Variants in ASAP3 observed in about 807,000 individuals in gnomAD.
The protein encoded by ASAP3 is arf-GAP with SH3 domain, ANK repeat and PH domain-containing protein 3.
In ASAP3, 85 loss-of-function variants were observed where a neutral mutation model predicts 118.2. The observed-to-expected ratio is 0.72, with a 90% CI of 0.60 to 0.86. The LOEUF (loss-of-function observed/expected upper bound fraction) is 0.86. Ranked by LOEUF, ASAP3 falls within the 40% of genes least tolerant of loss-of-function variation. The probability of loss-of-function intolerance (pLI) is 0.00; values close to 1 mark genes in which losing one functional copy is unlikely to be tolerated. For missense variants in ASAP3, 1,026 were observed against 1,175.0 expected, an observed-to-expected ratio of 0.87 and a Z score of 1.85; for synonymous variants, 432 against 477.4, an observed-to-expected ratio of 0.90 and a Z score of 1.24.
chr1:23,437,320 C>T lies in ASAP3; in HGVS notation c.1152G>A (p.Ala384=). 1 of 1,609,784 alleles carries T rather than the reference C, an allele frequency of 6.2e-7. No individual in the cohort carries two copies. Among genetic ancestry groups the T allele is most frequent in the Non-Finnish European group, 8.5e-7 (1 of 1,177,480 alleles). Residue 384 remains alanine (A), a splice_region_variant and synonymous_variant, in exon 14 of 25, where the codon GCG becomes GCA. Transcript: ENST00000336689. This position sits in a 1 kb window ranked among gnomAD's most constrained non-coding sequence, Gnocchi z 6.1. ...TGCTGTTCTGCAACACTGACACCCACCTGCGGAGATTGAACGGGGTGGGAT... is the reference window on the plus strand; with the variant it reads ...TGCTGTTCTGCAACACTGACACCCATCTGCGGAGATTGAACGGGGTGGGAT... ...FQAEDEHECE[A]WVSVLQNSKD... is the part of the protein sequence containing the mutation.
chr1:23,446,107 G>A (rs891271922), intron 5 of ASAP3, among the ~76,000 whole-genome samples: 1 of 152,138 alleles, frequency 6.6e-6, no homozygotes, highest in South Asian at 2.1e-4. Flanking sequence ...TGGTATCTGC[G>A]GGGGTCCTGG....
chr1:23,443,326 A>G (rs1025595841), intron 5 of ASAP3, among the ~76,000 whole-genome samples: 5 of 152,144 alleles, frequency 3.3e-5, no homozygotes, highest in African/African-American at 1.2e-4. Context: ...CATGGTACCC[A>G]ATAGGTAATT....
chr1:23,440,228 G>A (rs953269682), intron 10 of ASAP3, among the ~76,000 whole-genome samples: 9 of 150,576 alleles, frequency 6.0e-5, no homozygotes, highest in African/African-American at 2.0e-4. Context: ...TAGGCTGGGC[G>A]CAGTGGCTCA....
chr1:23,458,466 G>A (rs1484996967), intron 1 of ASAP3, among the ~76,000 whole-genome samples: 1 of 152,084 alleles, frequency 6.6e-6, no homozygotes, highest in Non-Finnish European at 1.5e-5. Flanking sequence ...CCATGTGGTG[G>A]CATGCACCTA....
intron 1 of ASAP3, among the ~76,000 whole-genome samples, chr1:23,460,772 A>G (rs1183307375): frequency 6.6e-6 from 1 of 152,230 alleles, no homozygotes; most frequent in East Asian, 1.9e-4. Flanking sequence ...GGATGTTTAC[A>G]TCAGCTTTAT....
rs777537793 is a variant in ASAP3 at position 23,431,092 on chromosome 1, C to A, written c.2580G>T (p.Ala860=). 1.9e-6 allele frequency: 3 copies of A among 1,558,090 alleles called. No individual in the cohort carries two copies. Among genetic ancestry groups the A allele is most frequent in the Non-Finnish European group, 2.6e-6 (3 of 1,151,480 alleles). Reference sequence around the variant, plus strand: ...CTGAGGGACCATCTTCAGGGCTCCGCGCCCCCCGCCGATAGGAGCGAGTGC... The same window carrying A: ...CTGAGGGACCATCTTCAGGGCTCCGAGCCCCCCGCCGATAGGAGCGAGTGC... ...SESTRSYRRG[A]RSPEDGPSAR... Residue 860 remains alanine (A), a synonymous_variant, in exon 24 of 25, where the codon GCG becomes GCT. Transcript: ENST00000336689.
chr1:23,478,812 A>G (rs544884154), intron 1 of ASAP3, among the ~76,000 whole-genome samples: 7 of 152,292 alleles, frequency 4.6e-5, no homozygotes, highest in Admixed American at 4.6e-4. Context: ...TGAGTTTTCT[A>G]AAGGGGTTCT....
In ASAP3 at chr1:23,453,861, C is replaced by G. The variant is rs75329801; in HGVS notation, c.349-1090G>C. Among the ~76,000 whole-genome samples the G allele has an allele frequency of 2.6e-5, 4 of 152,164 alleles. No homozygotes were observed. The East Asian group carries it at 7.7e-4, about 29-fold the overall frequency. On this transcript the variant is annotated intron_variant, in intron 3 of 24. Coordinates refer to ENST00000336689, the MANE Select transcript of ASAP3 (RefSeq NM_017707.4). ...TCCACACCCTAGTTTTTCTCTCCCC[C>G]ACTAGACTGTGGCTCTCTGAGGCAG...
intron 10 of ASAP3, among the ~76,000 whole-genome samples, chr1:23,439,592 C>T (rs1640793188): frequency 6.6e-6 from 1 of 152,152 alleles, no homozygotes; most frequent in South Asian, 2.1e-4. Flanking sequence ...AGGCTCTTGA[C>T]AACAACAAAT....
rs1489932467 is a variant in ASAP3, at chr1:23,451,540, A to G, written c.424-12T>C. ...TGTTTTTTGGAATCCTGTGGGTTAA[A>G]AAAGGACAATTTGCCCAGAGGGAAG... is the stretch of plus-strand genomic sequence containing the variant. On this transcript the variant is annotated splice_polypyrimidine_tract_variant and intron_variant, in intron 4 of 24. Coordinates refer to ENST00000336689, the MANE Select transcript of ASAP3 (RefSeq NM_017707.4). The G allele has an allele frequency of 6.2e-7, 1 of 1,614,032 alleles. No homozygotes were observed. Among genetic ancestry groups the G allele is most frequent in the Admixed American group, 1.7e-5 (1 of 60,028 alleles).
chr1:23,450,644 G>A (rs953956281), intron 5 of ASAP3, among the ~76,000 whole-genome samples: 15 of 148,162 alleles, frequency 1.0e-4, no homozygotes, highest in African/African-American at 2.2e-4. Flanking sequence ...AGTATTATCC[G>A]CCTGCCATAA....
At chr1:23,467,529 C>T (rs1429129995) in intron 1 of ASAP3, among the ~76,000 whole-genome samples, 1 of 152,184 alleles carries the variant, frequency 6.6e-6, no homozygotes, top group East Asian at 1.9e-4. Context: ...GGTGTTGTTC[C>T]TTAAGAGACG....
intron 9 of ASAP3, 35 bp downstream of exon 9, chr1:23,441,352 G>A (rs1640867204): frequency 6.2e-7 from 1 of 1,611,998 alleles, no homozygotes; most frequent in African/African-American, 1.3e-5. Flanking sequence ...GGCCTTGGGG[G>A]AGGGCATTCC....
chr1:23,440,632 G>A (rs776188212), intron 10 of ASAP3, among the ~76,000 whole-genome samples: 4 of 146,392 alleles, frequency 2.7e-5, no homozygotes, highest in East Asian at 2.1e-4. Flanking sequence ...TGAGGCGGGC[G>A]GATCACAAGG....
chr1:23,472,536 G>T (rs1310627658), intron 1 of ASAP3, among the ~76,000 whole-genome samples: 1 of 152,200 alleles, frequency 6.6e-6, no homozygotes, highest in Non-Finnish European at 1.5e-5. Context: ...GCTGAGGGAA[G>T]ACCCTGCCTT....
chr1:23,430,025 A>C lies in ASAP3; in HGVS notation c.2638-95T>G, dbSNP rs149109710. 14 of 1,035,884 alleles carry C rather than the reference A, an allele frequency of 1.4e-5. No homozygotes were observed. In the African/African-American group the frequency reaches 2.1e-4, roughly 16 times the overall value. 64.2% of individuals were successfully genotyped at this position (1,035,884 alleles called of 1,614,324 possible). Reference sequence around the variant, plus strand: ...TTTCACATCTGTCCTATTGTAGATAAATTAAATTATTCTCATTTTACAGAC... The same window carrying C: ...TTTCACATCTGTCCTATTGTAGATACATTAAATTATTCTCATTTTACAGAC... On this transcript the variant is annotated intron_variant, in intron 24 of 24. Transcript: ENST00000336689.
chr1:23,467,586 CA>C (rs1214599707), intron 1 of ASAP3, among the ~76,000 whole-genome samples: 1 of 152,182 alleles, frequency 6.6e-6, no homozygotes, highest in Non-Finnish European at 1.5e-5. Context: ...CCTCATTTTA[CA>C]GACTGCAAAA....
chr1:23,456,189 C>T lies in ASAP3; in HGVS notation c.135G>A (p.Leu45=). 2.5e-6 allele frequency: 4 copies of T among 1,614,004 alleles called. No homozygotes were observed. The highest frequency in any genetic ancestry group is 3.4e-6 in the Non-Finnish European group (4 of 1,179,964). The change falls in exon 2 of 25, where the codon TTG becomes TTA. Residue 45 remains leucine, a synonymous_variant. Transcript: ENST00000336689. The part of the protein sequence containing the change: ...RGAALAREEI[L]EGDQAILQRI... ...TCTGCAGGATGGCTTGGTCTCCTTCCAAGATCTGGAAGCAAATGTGGACAG... is the reference window on the plus strand; with the variant it reads ...TCTGCAGGATGGCTTGGTCTCCTTCTAAGATCTGGAAGCAAATGTGGACAG...
Position 23,431,086 on chromosome 1 carries a change from G to A in ASAP3, c.2586C>T (p.Ser862=). 1 of 1,572,812 alleles carries A rather than the reference G, an allele frequency of 6.4e-7. No individual in the cohort carries two copies. The highest frequency in any genetic ancestry group is 8.6e-7 in the Non-Finnish European group (1 of 1,159,720). The change falls in exon 24 of 25, where the codon AGC becomes AGT. Residue 862 remains serine (S), a synonymous_variant. Coordinates refer to ENST00000336689, the MANE Select transcript of ASAP3 (RefSeq NM_017707.4). ...STRSYRRGAR[S]PEDGPSARQP... ...GCCTGGCTGAGGGACCATCTTCAGGGCTCCGCGCCCCCCGCCGATAGGAGC... is the reference window on the plus strand; with the variant it reads ...GCCTGGCTGAGGGACCATCTTCAGGACTCCGCGCCCCCCGCCGATAGGAGC...
Sources: gnomAD v4.1 joint callset for allele counts (sites outside exome capture counted in the v4.1 genomes callset) on GRCh38, gnomAD v4.1.1 for gene constraint, Gnocchi (gnomAD v3.1) non-coding constraint, MANE v1.5 for transcripts, NCBI Gene and HGNC (gene_info 2026-07-23, HGNC 2026-07-21) for gene names.